The following UBE2Z variants were observed in gnomAD, a reference collection of about 807,000 sequenced individuals.
UBE2Z encodes ubiquitin-conjugating enzyme E2 Z.
A neutral mutation model predicts 32.6 loss-of-function variants in UBE2Z; 10 were observed. The observed-to-expected ratio is 0.31, with a 90% confidence interval of 0.19 to 0.52. The LOEUF (loss-of-function observed/expected upper bound fraction) is 0.52. Among genes scored for constraint, UBE2Z ranks in the 20% least tolerant of loss-of-function variants. UBE2Z has a pLI of 0.97. For synonymous variants in UBE2Z, 183 were observed against 190.8 expected, an observed-to-expected ratio of 0.96 and a Z score of 0.34; for missense variants, 343 against 480.9, an observed-to-expected ratio of 0.71 and a Z score of 2.68.
intron 4 of UBE2Z, among the ~76,000 whole-genome samples, chr17:48,919,262 G>A (rs989052378): frequency 2.0e-5 from 3 of 152,070 alleles, no homozygotes; most frequent in Non-Finnish European, 4.4e-5. Context: ...GGGATTACAG[G>A]TGTGAGCTAC....
Position 48,921,227 on chromosome 17 carries a change from T to A in UBE2Z, c.758T>A (p.Val253Asp). ...CGGCACGAGACCATCAGAGTTGCAG[T>A]CTGTGACATGATGGAAGGAAAGTGT... ...CIRHETIRVA[V>D]CDMMEGKCPC... Residue 253 changes from valine to aspartate, a missense_variant, in exon 5 of 7, where the codon GTC becomes GAC. Physicochemically the swap from Val to Asp is radical, Grantham distance 152. Transcript: ENST00000360943. 6.2e-7 allele frequency: 1 copy of A among 1,612,986 alleles called. No individual in the cohort carries two copies. Among genetic ancestry groups the A allele is most frequent in the Admixed American group, 1.7e-5 (1 of 59,874 alleles).
At chr17:48,916,484 C>G (rs537196363) in intron 4 of UBE2Z, among the ~76,000 whole-genome samples, 1 of 151,786 alleles carries the variant, frequency 6.6e-6, no homozygotes, top group Admixed American at 6.6e-5. Context: ...AGCTCCTGAC[C>G]TGGTGATCCG....
intron 3 of UBE2Z, chr17:48,915,714 A>G (rs1291526055): frequency 8.5e-6 from 2 of 233,972 alleles, no homozygotes; most frequent in African/African-American, 2.4e-5. Context: ...CACCACCCAT[A>G]AACAAGCTCT....
chr17:48,916,258 G>GTTTCTTT, intron 4 of UBE2Z, 71 bp downstream of exon 4: 2 of 415,732 alleles, frequency 4.8e-6, no homozygotes, highest in East Asian at 1.1e-4. Context: ...TGGTTTTTTT[G>GTTTCTTT]TTTTTTTTTT....
chr17:48,909,085 A>G, intron 1 of UBE2Z: 1 of 124,116 alleles, frequency 8.1e-6, no homozygotes, highest in Non-Finnish European at 1.5e-5. Context: ...CTCCGTCTCC[A>G]TTCCGGCCAC....
intron 4 of UBE2Z, among the ~76,000 whole-genome samples, chr17:48,920,489 C>CA (rs1392317513): frequency 6.6e-6 from 1 of 151,582 alleles, no homozygotes; most frequent in African/African-American, 2.4e-5. Context: ...GAGCAAAACT[C>CA]AAAAAAACAA....
intron 3 of UBE2Z, among the ~76,000 whole-genome samples, chr17:48,915,515 T>G (rs536276663): frequency 6.6e-6 from 1 of 152,244 alleles, no homozygotes; most frequent in East Asian, 1.9e-4. Flanking sequence ...CCTTCCACTG[T>G]CTGGAAGCAC....
At chr17:48,917,438 A>T (rs1598074149) in intron 4 of UBE2Z, among the ~76,000 whole-genome samples, 1 of 152,146 alleles carries the variant, frequency 6.6e-6, no homozygotes, top group East Asian at 1.9e-4. Flanking sequence ...GGGTTGTGGC[A>T]TCCAGTGGGT....
At chr17:48,920,184 C>T (rs1376716416) in intron 4 of UBE2Z, among the ~76,000 whole-genome samples, 1 of 151,760 alleles carries the variant, frequency 6.6e-6, no homozygotes, top group Non-Finnish European at 1.5e-5. Flanking sequence ...CAAGAGCCTG[C>T]CTCTTAAAAA....
At chr17:48,915,909 G>T in intron 3 of UBE2Z, 167 bp from the exon 4 acceptor site, 1 of 400,274 alleles carries the variant, frequency 2.5e-6, no homozygotes, top group Non-Finnish European at 4.3e-6. Context: ...ACTGATTTCT[G>T]GTGAAATCAG....
intron 1 of UBE2Z, among the ~76,000 whole-genome samples, chr17:48,909,624 A>G (rs926277253): frequency 6.9e-6 from 1 of 145,206 alleles, no homozygotes; most frequent in African/African-American, 2.6e-5. Flanking sequence ...ACAAAGGCCT[A>G]AGTCCTTTCT....
At chr17:48,925,299 GAAAGAA>G (rs2040790603) in intron 6 of UBE2Z, among the ~76,000 whole-genome samples, 1 of 142,894 alleles carries the variant, frequency 7.0e-6, no homozygotes, top group Non-Finnish European at 1.5e-5. Flanking sequence ...AAAAAAAAAA[GAAAGAA>G]AAAGAAATGG....
Position 48,927,412 on chromosome 17 carries a change from G to A in UBE2Z, c.*278G>A. 1 of 368,924 alleles carries A rather than the reference G, an allele frequency of 2.7e-6. No homozygotes were observed. Among genetic ancestry groups the A allele is most frequent in the Non-Finnish European group, 5.1e-6 (1 of 196,290 alleles). 22.9% of individuals were successfully genotyped at this position (368,924 alleles called of 1,614,324 possible). On this transcript the variant is annotated 3_prime_UTR_variant, in exon 7 of 7. Coordinates refer to ENST00000360943, the MANE Select transcript of UBE2Z (RefSeq NM_023079.5). ...GGAGCACCTAGAGCGAGGGCCTTTG[G>A]CAAAAACAAAACAACCAACACACCT...
chr17:48,924,469 C>T (rs536868332), intron 6 of UBE2Z, among the ~76,000 whole-genome samples: 1 of 152,302 alleles, frequency 6.6e-6, no homozygotes, highest in South Asian at 2.1e-4. Context: ...TTCTTTGCCT[C>T]TACTGGGAAA....
rs776344745 is a variant in UBE2Z at position 48,921,285 on chromosome 17, C to T, written c.803+13C>T. 60 of 1,597,902 alleles carry T rather than the reference C, an allele frequency of 3.8e-5. No homozygotes were observed. The highest frequency in any genetic ancestry group is 4.5e-5 in the Non-Finnish European group (53 of 1,170,974). ...CTGAACCCCTACGGTATGTGTCAAGCGGGCTTGCTTGGTATTCCTTTCGGG... is the reference window on the plus strand; with the variant it reads ...CTGAACCCCTACGGTATGTGTCAAGTGGGCTTGCTTGGTATTCCTTTCGGG... On this transcript the variant is annotated intron_variant, in intron 5 of 6. Coordinates refer to ENST00000360943, the MANE Select transcript of UBE2Z (RefSeq NM_023079.5).
chr17:48,925,380 C>G (rs2040791065), intron 6 of UBE2Z, among the ~76,000 whole-genome samples: 1 of 152,052 alleles, frequency 6.6e-6, no homozygotes, highest in Non-Finnish European at 1.5e-5. Context: ...TGTCTGTTCA[C>G]CCACCCCAAC....
chr17:48,912,399 G>A (rs1020770084), intron 2 of UBE2Z: 2 of 158,096 alleles, frequency 1.3e-5, no homozygotes, highest in Admixed American at 1.2e-4. Context: ...GTCAAAATCT[G>A]TGTCGATTTC....
At chr17:48,919,892 C>G (rs1295552319) in intron 4 of UBE2Z, among the ~76,000 whole-genome samples, 1 of 152,182 alleles carries the variant, frequency 6.6e-6, no homozygotes, top group Non-Finnish European at 1.5e-5. Flanking sequence ...AGGTTTTCTA[C>G]ACTGAGACTC....
rs754841397 is a variant in UBE2Z, at chr17:48,926,921, C to T, written c.895-43C>T. 5 of 1,585,018 alleles carry T rather than the reference C, an allele frequency of 3.2e-6. No individual in the cohort carries two copies. The East Asian group carries it at 9.0e-5, about 29-fold the overall frequency. ...AAGTTGCTTTCTCTAGGATCAGCCA[C>T]CCAGACTTGAATCTTCCATCCCCTT... is the stretch of plus-strand genomic sequence containing the variant. On this transcript the variant is annotated intron_variant, in intron 6 of 6. Transcript: ENST00000360943.
Sources: gnomAD v4.1 joint callset for allele counts (sites outside exome capture counted in the v4.1 genomes callset) on GRCh38, gnomAD v4.1.1 for gene constraint, MANE v1.5 for transcripts, NCBI Gene and HGNC (gene_info 2026-07-23, HGNC 2026-07-21) for gene names.